The following CACNA1E variants were observed in gnomAD, a reference collection of about 807,000 sequenced individuals.
The protein encoded by CACNA1E is voltage-dependent R-type calcium channel subunit alpha-1E.
In CACNA1E, 40 loss-of-function variants were observed where a neutral mutation model predicts 259.2. The observed-to-expected ratio is 0.15, with a 90% CI of 0.12 to 0.20. The LOEUF (loss-of-function observed/expected upper bound fraction) is 0.20, where lower values mean the gene tolerates loss of function less well. Among genes scored for constraint, CACNA1E ranks in the 10% least tolerant of loss-of-function variants. The pLI is 1.00. For missense variants in CACNA1E, 1,874 were observed against 3,040.1 expected (o/e 0.62, Z 9.02); for synonymous variants, 1,104 against 1,138.5 (o/e 0.97, Z 0.61).
intron 3 of CACNA1E, among the ~76,000 whole-genome samples, chr1:181,564,344 T>A (rs1371897143): frequency 6.6e-6 from 1 of 152,248 alleles, no homozygotes; most frequent in Non-Finnish European, 1.5e-5. Flanking sequence ...GTTCACAGCA[T>A]CTTCATCAGG....
At chr1:181,650,910 C>T (rs904811042) in intron 6 of CACNA1E, among the ~76,000 whole-genome samples, 3 of 152,216 alleles carry the variant, frequency 2.0e-5, no homozygotes, top group Admixed American at 2.0e-4. Context: ...CCAAATAACC[C>T]TGTCAAGGCC....
intron 3 of CACNA1E, among the ~76,000 whole-genome samples, chr1:181,535,104 T>A (rs1439221597): frequency 6.6e-6 from 1 of 152,200 alleles, no homozygotes; most frequent in Non-Finnish European, 1.5e-5. Context: ...TTAAAACTTA[T>A]GCACCGTCAG....
chr1:181,413,881 G>T (rs1040085868), intron 2 of CACNA1E, among the ~76,000 whole-genome samples: 2 of 152,236 alleles, frequency 1.3e-5, no homozygotes, highest in African/African-American at 4.8e-5. Flanking sequence ...AAGAACTGGG[G>T]TCTGTTTCAT....
intron 3 of CACNA1E, among the ~76,000 whole-genome samples, chr1:181,549,423 G>C (rs1647879169): frequency 6.6e-6 from 1 of 152,336 alleles, no homozygotes; most frequent in South Asian, 2.1e-4. Context: ...TTTCTGAATA[G>C]TTTCCCTTTT....
chr1:181,437,325 C>T (rs1660161200), intron 2 of CACNA1E, among the ~76,000 whole-genome samples: 2 of 152,096 alleles, frequency 1.3e-5, no homozygotes, highest in African/African-American at 2.4e-5. Context: ...ACTAGATCAT[C>T]CCACCAGTGT....
At chr1:181,365,097 C>T (rs1050552665) in intron 1 of CACNA1E, among the ~76,000 whole-genome samples, 1 of 152,218 alleles carries the variant, frequency 6.6e-6, no homozygotes, top group Non-Finnish European at 1.5e-5. Context: ...GGTTAACACT[C>T]CCAGTGAGTG....
intron 3 of CACNA1E, among the ~76,000 whole-genome samples, chr1:181,571,044 GAA>G (rs1650358825): frequency 6.6e-6 from 1 of 152,192 alleles, no homozygotes; most frequent in South Asian, 2.1e-4. Flanking sequence ...TAAGACAGTT[GAA>G]ATCTGTTTCT....
intron 39 of CACNA1E, among the ~76,000 whole-genome samples, chr1:181,782,682 A>G (rs925564364): frequency 4.6e-5 from 7 of 152,156 alleles, no homozygotes; most frequent in African/African-American, 1.7e-4. Flanking sequence ...GCTACCTCAC[A>G]TTGTATGGCC....
At chr1:181,365,319 A>G (rs1236278325) in intron 1 of CACNA1E, among the ~76,000 whole-genome samples, 1 of 152,188 alleles carries the variant, frequency 6.6e-6, no homozygotes, top group African/African-American at 2.4e-5. Context: ...GGGCATGTAC[A>G]ACCACACCTC....
At chr1:181,543,541 T>G (rs1047621856) in intron 3 of CACNA1E, among the ~76,000 whole-genome samples, 1 of 152,190 alleles carries the variant, frequency 6.6e-6, no homozygotes, top group Non-Finnish European at 1.5e-5. Context: ...GTAAGAGAGC[T>G]TGCTTCATCT....
chr1:181,600,919 G>A (rs904225616), intron 6 of CACNA1E, among the ~76,000 whole-genome samples: 1 of 152,264 alleles, frequency 6.6e-6, no homozygotes, highest in South Asian at 2.1e-4. Context: ...GAGGACCAAC[G>A]ACTTAGCTCT....
Position 181,733,095 on chromosome 1 carries a change from A to G in CACNA1E, c.2948+61A>G, listed in dbSNP as rs1020607339. The G allele has an allele frequency of 3.0e-5, 44 of 1,469,770 alleles. No individual in the cohort carries two copies. In the Middle Eastern group the frequency reaches 3.2e-3, roughly 108 times the overall value. The allele number at this position is 1,469,770 out of a possible 1,614,324, so 91.0% of individuals were successfully genotyped here. A position where few individuals can be genotyped will look rare whatever the true frequency, so the allele number is the denominator to read the frequency against. ...ACAGGCTGCTGTTAGGTGTTCCTCA[A>G]TATAAGCCTTTCTGAGCTCCAGTTT... On this transcript the variant is annotated intron_variant, in intron 20 of 47. Coordinates refer to ENST00000367573, the MANE Select transcript of CACNA1E (RefSeq NM_001205293.3).
chr1:181,570,501 C>A (rs371950892), intron 3 of CACNA1E, among the ~76,000 whole-genome samples: 17 of 152,174 alleles, frequency 1.1e-4, no homozygotes, highest in Non-Finnish European at 7.3e-5. Context: ...TGGCTTAAAG[C>A]AACACGTGTA....
intron 1 of CACNA1E, among the ~76,000 whole-genome samples, chr1:181,371,822 G>A (rs1654728262): frequency 6.6e-6 from 1 of 152,218 alleles, no homozygotes; most frequent in African/African-American, 2.4e-5. Flanking sequence ...ATTTATCCCA[G>A]CACCACTTAT....
intron 6 of CACNA1E, among the ~76,000 whole-genome samples, chr1:181,587,033 T>C (rs1455537181): frequency 1.3e-5 from 2 of 152,130 alleles, no homozygotes; most frequent in Non-Finnish European, 2.9e-5. Context: ...ACCACAGATG[T>C]AGGGATTGGC....
chr1:181,788,622 T>C (rs1661043651), intron 43 of CACNA1E, among the ~76,000 whole-genome samples: 1 of 152,116 alleles, frequency 6.6e-6, no homozygotes. Context: ...AAGGCCGCCA[T>C]GTCTGGAGTT....
intron 7 of CACNA1E, among the ~76,000 whole-genome samples, chr1:181,683,327 A>G (rs1194772398): frequency 6.6e-6 from 1 of 152,216 alleles, no homozygotes; most frequent in Non-Finnish European, 1.5e-5. Flanking sequence ...GTTCTCAGTC[A>G]CTTACTACTG....
chr1:181,726,876 C>T lies in CACNA1E; in HGVS notation c.2240+714C>T, dbSNP rs934271108. ...AAGGAGATGAGTAATCCCATTCAGT[C>T]GGTAGTTTGGAGAGAGAGCCAATAG... On this transcript the variant is annotated intron_variant, in intron 18 of 47. Coordinates refer to ENST00000367573, the MANE Select transcript of CACNA1E (RefSeq NM_001205293.3). 9.2e-5 allele frequency among the ~76,000 whole-genome samples: 14 copies of T among 151,844 alleles called. No individual in the cohort carries two copies. In the South Asian group the frequency reaches 1.2e-3, roughly 14 times the overall value.
rs1052473056 is a variant in CACNA1E, at chr1:181,650,893, A to G, written c.952-445A>G. Among the ~76,000 whole-genome samples, 7 of 152,204 alleles carry G rather than the reference A, an allele frequency of 4.6e-5. No homozygotes were observed. In the South Asian group the frequency reaches 1.5e-3, roughly 32 times the overall value. ...TGAGCAAGACGCAGAGGACCCTAAA[A>G]TGTCTTCCAAATAACCCTGTCAAGG... On this transcript the variant is annotated intron_variant, in intron 6 of 47. Coordinates refer to ENST00000367573, the MANE Select transcript of CACNA1E (RefSeq NM_001205293.3).
Sources: gnomAD v4.1 joint callset for allele counts (sites outside exome capture counted in the v4.1 genomes callset) on GRCh38, gnomAD v4.1.1 for gene constraint, MANE v1.5 for transcripts, NCBI Gene and HGNC (gene_info 2026-07-23, HGNC 2026-07-21) for gene names.